MAP7D2: variants seen among roughly 807,000 people sequenced by gnomAD.
The protein encoded by MAP7D2 is MAP7 domain containing 2.
Under a neutral mutation model 63.5 loss-of-function variants are expected in MAP7D2, and 33 were observed. The ratio of observed to expected loss-of-function variants is 0.52; its 90% CI spans 0.39 to 0.70. MAP7D2 has a LOEUF of 0.70. Among genes scored for constraint, MAP7D2 ranks in the 30% least tolerant of loss-of-function variants. MAP7D2 has a pLI of 0.00. For missense variants in MAP7D2, 626 were observed against 604.0 expected, an observed-to-expected ratio of 1.04 and a Z score of -0.38; for synonymous variants, 224 against 223.7, an observed-to-expected ratio of 1.00 and a Z score of -0.01.
rs1569515794 is a variant in MAP7D2, at chrX:20,025,025, A to G, written c.1338T>C (p.Ala446=). 8.3e-7 allele frequency: 1 copy of G among 1,211,523 alleles called. No individual in the cohort carries two copies. Among genetic ancestry groups the G allele is most frequent in the East Asian group, 3.0e-5 (1 of 33,840 alleles). Residue 446 remains alanine, a synonymous_variant, in exon 10 of 17, where the codon GCT becomes GCC. Transcript: ENST00000379643. ...GCAGCCGGGCCTGTCTTCTCTTTTC[A>G]GCCAAGATCTTCGCAGCCTCTCCTG... ...TDAGEAAKIL[A]EKRRQARLQK...
At chrX:20,060,432 GAGAA>G (rs59420678) in intron 3 of MAP7D2, among the ~76,000 whole-genome samples, 9,700 of 68,921 alleles carry the variant, frequency 0.14, 636 homozygotes, top group East Asian at 0.21. Context: ...GAGAGAGAGA[GAGAA>G]AGAAAGAAAG....
At chrX:20,060,429 AG>A (rs2065184854) in intron 3 of MAP7D2, among the ~76,000 whole-genome samples, 9 of 57,223 alleles carry the variant, frequency 1.6e-4, no homozygotes, top group African/African-American at 7.8e-4. Context: ...AGAGAGAGAG[AG>A]AGAGAAAGAA....
chrX:20,059,899 T>C (rs2065164660), intron 3 of MAP7D2, among the ~76,000 whole-genome samples: 1 of 111,655 alleles, frequency 9.0e-6, no homozygotes, highest in Non-Finnish European at 1.9e-5. Flanking sequence ...CCCGCTGAAC[T>C]GGCTGAACAG....
chrX:20,079,130 C>A (rs772012429), intron 1 of MAP7D2, among the ~76,000 whole-genome samples: 1 of 110,987 alleles, frequency 9.0e-6, no homozygotes, highest in Non-Finnish European at 1.9e-5. Flanking sequence ...TGAAGAATAA[C>A]CCGGCAACTC....
Position 20,056,701 on chromosome X carries a change from T to C in MAP7D2, c.463A>G (p.Ile155Val), listed in dbSNP as rs1335112680. The C allele has an allele frequency of 1.7e-6, 2 of 1,208,769 alleles. No individual in the cohort carries two copies. Among genetic ancestry groups the C allele is most frequent in the Non-Finnish European group, 2.2e-6 (2 of 894,282 alleles). The change falls in exon 4 of 17, where the codon ATT becomes GTT. Residue 155 changes from isoleucine to valine, a missense_variant. Physicochemically the swap from Ile to Val is conservative, Grantham distance 29 (BLOSUM62 3). Transcript: ENST00000379643. The stretch of plus-strand genomic sequence containing the variant: ...TCACCATCATGTCCTCCGGGTCCAA[T>C]GGCCAGTGGTGCTCCCCACGAATAC... ...KKYSWGAPLA[I>V]GPGGHDACDK... is the part of the protein sequence containing the mutation.
At chrX:20,027,757 GGAGAGAGAGAGA>G (rs56796954) in intron 8 of MAP7D2, among the ~76,000 whole-genome samples, 37 of 76,251 alleles carry the variant, frequency 4.9e-4, no homozygotes, top group East Asian at 7.9e-4. Context: ...GAAGGCGGGG[GGAGAGAGAGAGA>G]GAGAGAGAGA....
chrX:20,097,373 G>A (rs1428869152), intron 1 of MAP7D2, among the ~76,000 whole-genome samples: 3 of 111,360 alleles, frequency 2.7e-5, no homozygotes, highest in Non-Finnish European at 3.8e-5. Context: ...AATGTGTGGG[G>A]TGAAGCACCT....
At chrX:20,103,203 A>G (rs2066483596) in intron 1 of MAP7D2, among the ~76,000 whole-genome samples, 1 of 111,799 alleles carries the variant, frequency 8.9e-6, no homozygotes, top group Non-Finnish European at 1.9e-5. Flanking sequence ...CTGCATAGCT[A>G]GCTACTGGTT....
chrX:20,027,053 G>A (rs1024829605), intron 8 of MAP7D2, among the ~76,000 whole-genome samples: 1 of 112,234 alleles, frequency 8.9e-6, no homozygotes, highest in African/African-American at 3.2e-5. Context: ...ATCAGATCCT[G>A]CTAATAAGGG....
In MAP7D2 at chrX:20,063,574, G is replaced by C; in HGVS notation, c.212C>G (p.Ala71Gly). 2 of 1,210,703 alleles carry C rather than the reference G, an allele frequency of 1.7e-6. No individual in the cohort carries two copies. The highest frequency in any genetic ancestry group is 3.5e-5 in the South Asian group (2 of 56,800). The change falls in exon 3 of 17, where the codon GCT becomes GGT. Residue 71 changes from alanine to glycine, a missense_variant. Physicochemically the swap from Ala to Gly is moderately conservative, Grantham distance 60. Transcript: ENST00000379643. ...RREEREKCLA[A>G]REQQILEKQK... Reference sequence around the variant, plus strand: ...TTTCTCCAGGATCTGTTGCTCCCGAGCAGCTGGGGAAGGAAAGTAGAAGAG... The same window carrying C: ...TTTCTCCAGGATCTGTTGCTCCCGACCAGCTGGGGAAGGAAAGTAGAAGAG...
In MAP7D2 at chrX:20,116,890, C is replaced by CGGCCGCACA. The variant is rs2066912276; in HGVS notation, c.-20_-12dup. On this transcript the variant is annotated 5_prime_UTR_variant, in exon 1 of 17. Transcript: ENST00000379643. Reference sequence around the variant, plus strand: ...GCCGCCGCGCTCCATCGGGATGCGCCGGCCGCACAGGCGCACTGCCAAGCC... The same window carrying CGGCCGCACA: ...GCCGCCGCGCTCCATCGGGATGCGCCGGCCGCACAGGCCGCACAGGCGCACTGCCAAGCC... 9.1e-7 allele frequency: 1 copy of CGGCCGCACA among 1,102,057 alleles called. No individual in the cohort carries two copies. Among genetic ancestry groups the CGGCCGCACA allele is most frequent in the Non-Finnish European group, 1.2e-6 (1 of 842,654 alleles). The allele number at this position is 1,102,057 out of a possible 1,213,427, so 90.8% of individuals were successfully genotyped here.
chrX:20,058,757 AGAT>A (rs2065127299), intron 3 of MAP7D2, among the ~76,000 whole-genome samples: 2 of 112,255 alleles, frequency 1.8e-5, no homozygotes, highest in South Asian at 7.4e-4. Flanking sequence ...GATGAGAAAT[AGAT>A]GATAAGCAAG....
At position 20,077,131 on chromosome X, in the gene MAP7D2, C is replaced by G. The variant is rs1182664535; in HGVS notation, c.131-12326G>C. 2.7e-5 allele frequency among the ~76,000 whole-genome samples: 3 copies of G among 112,024 alleles called. No homozygotes were observed. The East Asian group carries it at 8.4e-4, about 31-fold the overall frequency. On this transcript the variant is annotated intron_variant, in intron 1 of 16. Transcript: ENST00000379643. ...AATCATCACCATTCTGCCACAAAATCCTCTACACACGGTTATCAGAAGAAG... is the reference window on the plus strand; with the variant it reads ...AATCATCACCATTCTGCCACAAAATGCTCTACACACGGTTATCAGAAGAAG...
At chrX:20,043,780 T>C (rs760296690) in intron 7 of MAP7D2, among the ~76,000 whole-genome samples, 1 of 112,242 alleles carries the variant, frequency 8.9e-6, no homozygotes, top group South Asian at 3.8e-4. Flanking sequence ...TCTAAATAAA[T>C]AGACACAATT....
At chrX:20,015,093 T>C in intron 12 of MAP7D2, 130 bp downstream of exon 12, 2 of 465,676 alleles carry the variant, frequency 4.3e-6, no homozygotes, top group Middle Eastern at 4.1e-4. Context: ...ACATAAAAGA[T>C]TTGAACAGTG....
chrX:20,015,036 A>G, intron 12 of MAP7D2, among the ~76,000 whole-genome samples, 187 bp downstream of exon 12: 1 of 111,739 alleles, frequency 8.9e-6, no homozygotes, highest in Non-Finnish European at 1.9e-5. Context: ...GTTTTTAACA[A>G]TCTTTCTCAA....
chrX:20,043,386 G>C (rs1179537317), intron 7 of MAP7D2, among the ~76,000 whole-genome samples: 1 of 112,417 alleles, frequency 8.9e-6, no homozygotes, highest in Non-Finnish European at 1.9e-5. Context: ...CCTCTTGAGT[G>C]TGGGTTGATC....
chrX:20,052,831 C>G, intron 5 of MAP7D2, 47 bp downstream of exon 5: 1 of 991,452 alleles, frequency 1.0e-6, no homozygotes, highest in Non-Finnish European at 1.4e-6. Flanking sequence ...GATGCTCACA[C>G]CAGAAAAGAA....
At chrX:20,048,277 A>G (rs1386741154) in intron 6 of MAP7D2, among the ~76,000 whole-genome samples, 2 of 111,928 alleles carry the variant, frequency 1.8e-5, no homozygotes, top group African/African-American at 6.5e-5. Context: ...ACATGTGACC[A>G]GCCCTCTGTA....
Sources: gnomAD v4.1 joint callset for allele counts (sites outside exome capture counted in the v4.1 genomes callset) on GRCh38, gnomAD v4.1.1 for gene constraint, MANE v1.5 for transcripts, NCBI Gene and HGNC (gene_info 2026-07-23, HGNC 2026-07-21) for gene names.